Variants in DENND1B observed in about 807,000 individuals in gnomAD.
The protein encoded by DENND1B is DENN domain-containing protein 1B.
In DENND1B, 59 loss-of-function variants were observed where a neutral mutation model predicts 90.1. That is an observed-to-expected ratio of 0.65 (90% confidence interval 0.53 to 0.81). DENND1B has a LOEUF of 0.81. Among genes scored for constraint, DENND1B ranks in the 40% least tolerant of loss-of-function variants. DENND1B has a pLI of 0.00. For synonymous variants in DENND1B, 337 were observed against 324.6 expected (o/e 1.04, Z -0.41); for missense variants, 862 against 912.6 (o/e 0.94, Z 0.71).
At position 197,595,268 on chromosome 1, in the gene DENND1B, G is replaced by C. The variant is rs760023185; in HGVS notation, c.987C>G (p.Ala329=). The C allele has an allele frequency of 6.2e-6, 10 of 1,613,294 alleles. No individual in the cohort carries two copies. Among genetic ancestry groups the C allele is most frequent in the Non-Finnish European group, 8.5e-6 (10 of 1,179,452 alleles). Residue 329 remains alanine (A), a synonymous_variant, in exon 14 of 23, where the codon GCC becomes GCG. Coordinates refer to ENST00000620048, the MANE Select transcript of DENND1B (RefSeq NM_001195215.2). The part of the protein sequence containing the change: ...STATGDGVAR[A]FLRAQAALFG... ...ACAAAGCAGCCTGTGCTCTAAGAAA[G>C]GCCCTAGCTACTCCATCACCCGTAG...
At chr1:197,753,103 T>C (rs746628619) in intron 2 of DENND1B, among the ~76,000 whole-genome samples, 2 of 151,626 alleles carry the variant, frequency 1.3e-5, no homozygotes, top group African/African-American at 2.4e-5. Flanking sequence ...AACTTCTGAA[T>C]AAAGAACATA....
chr1:197,677,690 T>C (rs555979217), intron 3 of DENND1B, among the ~76,000 whole-genome samples: 1 of 152,246 alleles, frequency 6.6e-6, no homozygotes, highest in African/African-American at 2.4e-5. Context: ...GGGTCCTGAG[T>C]CTTTAACTTC....
At chr1:197,555,253 C>G (rs1671620436) in intron 15 of DENND1B, among the ~76,000 whole-genome samples, 1 of 148,358 alleles carries the variant, frequency 6.7e-6, no homozygotes, top group African/African-American at 2.6e-5. Context: ...GAAAACCTTT[C>G]TTCCTAGAAG....
intron 15 of DENND1B, among the ~76,000 whole-genome samples, chr1:197,558,565 T>C (rs1334426684): frequency 6.6e-6 from 1 of 151,804 alleles, no homozygotes; most frequent in Non-Finnish European, 1.5e-5. Flanking sequence ...ACGGGTCTGT[T>C]ACATCAAAAT....
At chr1:197,600,346 C>T (rs1172440578) in intron 13 of DENND1B, among the ~76,000 whole-genome samples, 2 of 151,766 alleles carry the variant, frequency 1.3e-5, no homozygotes, top group Admixed American at 6.6e-5. Flanking sequence ...AGCTAGTTTC[C>T]AACATCCCTT....
At chr1:197,512,061 T>G in intron 21 of DENND1B, 117 bp from the exon 22 acceptor site, 4 of 727,784 alleles carry the variant, frequency 5.5e-6, no homozygotes, top group Non-Finnish European at 8.7e-6. Flanking sequence ...CAATAATTAG[T>G]TCATCACCAA....
intron 15 of DENND1B, among the ~76,000 whole-genome samples, chr1:197,563,227 A>G (rs966750374): frequency 2.0e-5 from 3 of 152,008 alleles, no homozygotes; most frequent in African/African-American, 4.8e-5. Flanking sequence ...ACAACCTTCT[A>G]TTGGAAGAAG....
At chr1:197,715,126 A>G in intron 2 of DENND1B, 52 bp from the exon 3 acceptor site, 1 of 1,501,216 alleles carries the variant, frequency 6.7e-7, no homozygotes, top group East Asian at 2.3e-5. Context: ...ACACATTTAA[A>G]GGAACAGTCT....
At chr1:197,744,943 A>C (rs890895156) in intron 2 of DENND1B, among the ~76,000 whole-genome samples, 2 of 152,190 alleles carry the variant, frequency 1.3e-5, no homozygotes, top group Admixed American at 6.5e-5. Flanking sequence ...TGTTACAGAG[A>C]TGGCTTCTTT....
At chr1:197,764,323 G>C (rs1342696) in intron 2 of DENND1B, among the ~76,000 whole-genome samples, 121,788 of 152,070 alleles carry the variant, frequency 0.8, 48,869 homozygotes, top group Middle Eastern at 0.87. Context: ...CACATTTTCT[G>C]ACATATTATA....
chr1:197,737,107 T>G (rs1475487067), intron 2 of DENND1B, among the ~76,000 whole-genome samples: 1 of 152,186 alleles, frequency 6.6e-6, no homozygotes, highest in Non-Finnish European at 1.5e-5. Context: ...TCCCAGTTCT[T>G]CCAATTGCAC....
chr1:197,518,047 G>A (rs1183792737), intron 20 of DENND1B, among the ~76,000 whole-genome samples: 1 of 151,622 alleles, frequency 6.6e-6, no homozygotes, highest in Admixed American at 6.6e-5. Context: ...CTCTCCCACC[G>A]TACAGTAGGC....
chr1:197,566,700 CT>C (rs1368471748), intron 15 of DENND1B, among the ~76,000 whole-genome samples: 5 of 151,810 alleles, frequency 3.3e-5, no homozygotes, highest in Admixed American at 2.0e-4. Context: ...AAGCATGAAC[CT>C]TGTTTTTACA....
At position 197,583,213 on chromosome 1, in the gene DENND1B, T is replaced by G. The variant is rs1674395088; in HGVS notation, c.1088A>C (p.His363Pro). Residue 363 changes from histidine (H) to proline (P), a missense_variant, in exon 15 of 23, where the codon CAC becomes CCC. His to Pro is a moderately conservative substitution (Grantham distance 77). Coordinates refer to ENST00000620048, the MANE Select transcript of DENND1B (RefSeq NM_001195215.2). ...GAACTGTTTCATCACGCTTGAGCGGTGCTTTACAAAACTCTCCTCACAGAA... is the reference window on the plus strand; with the variant it reads ...GAACTGTTTCATCACGCTTGAGCGGGGCTTTACAAAACTCTCCTCACAGAA... ...ITFCEESFVKHRSSVMKQFLE... is the reference protein window; with the variant it reads ...ITFCEESFVKPRSSVMKQFLE... 1 of 1,613,888 alleles carries G rather than the reference T, an allele frequency of 6.2e-7. No homozygotes were observed. Among genetic ancestry groups the G allele is most frequent in the African/African-American group, 1.3e-5 (1 of 75,038 alleles).
chr1:197,720,125 T>C (rs1333947453), intron 2 of DENND1B, among the ~76,000 whole-genome samples: 1 of 152,246 alleles, frequency 6.6e-6, no homozygotes, highest in East Asian at 1.9e-4. Context: ...ACTATATAAA[T>C]ACCTTTTTTG....
In DENND1B at chr1:197,758,960, ATTTTTTTTT is replaced by A. The variant is rs759108636; in HGVS notation, c.82+13899_82+13907del. ...TCCCAAAGAATAGAGTACTTCATTA[ATTTTTTTTT>A]TTTTTTTTTTTTTTTTTTAAGATGG... is the stretch of plus-strand genomic sequence containing the variant. On this transcript the variant is annotated intron_variant, in intron 2 of 22. Coordinates refer to ENST00000620048, the MANE Select transcript of DENND1B (RefSeq NM_001195215.2). 6.1e-5 allele frequency among the ~76,000 whole-genome samples: 6 copies of A among 97,836 alleles called. No homozygotes were observed. The East Asian group carries it at 1.7e-3, about 28-fold the overall frequency. 64.2% of individuals were successfully genotyped at this position (97,836 alleles called of 152,430 possible).
chr1:197,727,875 C>T (rs1019709486), intron 2 of DENND1B, among the ~76,000 whole-genome samples: 1 of 152,146 alleles, frequency 6.6e-6, no homozygotes, highest in African/African-American at 2.4e-5. Context: ...AATCTCCCAG[C>T]TTCCCTCCTA....
At chr1:197,557,817 C>T (rs1460946431) in intron 15 of DENND1B, among the ~76,000 whole-genome samples, 3 of 151,648 alleles carry the variant, frequency 2.0e-5, no homozygotes, top group Admixed American at 1.3e-4. Context: ...ATGGTTATAC[C>T]ACTTTAATAA....
chr1:197,573,924 A>G (rs1401008468), intron 15 of DENND1B, among the ~76,000 whole-genome samples: 1 of 152,216 alleles, frequency 6.6e-6, no homozygotes, highest in African/African-American at 2.4e-5. Flanking sequence ...AAAACTCGCA[A>G]TAAGGTATTG....
Sources: gnomAD v4.1 joint callset for allele counts (sites outside exome capture counted in the v4.1 genomes callset) on GRCh38, gnomAD v4.1.1 for gene constraint, MANE v1.5 for transcripts, NCBI Gene and HGNC (gene_info 2026-07-23, HGNC 2026-07-21) for gene names.